Variants in GON4L observed in about 807,000 individuals in gnomAD.
GON4L encodes the protein GON-4-like protein.
Under a neutral mutation model 211.8 loss-of-function variants are expected in GON4L, and 87 were observed. That is an observed-to-expected ratio of 0.41 (90% CI 0.35 to 0.49). The LOEUF (loss-of-function observed/expected upper bound fraction) is 0.49, where lower values mean the gene tolerates loss of function less well. GON4L is among the 20% of genes least tolerant of loss of function. The pLI is 0.15. For synonymous variants in GON4L, 875 were observed against 962.6 expected, an observed-to-expected ratio of 0.91 and a Z score of 1.68; for missense variants, 2,155 against 2,659.5, an observed-to-expected ratio of 0.81 and a Z score of 4.17.
Position 155,822,330 on chromosome 1 carries a change from T to C in GON4L, c.844A>G (p.Lys282Glu), listed in dbSNP as rs1384035999. Residue 282 changes from lysine to glutamate, a missense_variant, in exon 4 of 32, where the codon AAG (lysine) becomes GAG (glutamate). Coordinates refer to ENST00000368331, the MANE Select transcript of GON4L (RefSeq NM_001282860.2). ...MLDRTLEDGA[K>E]QHNLTAVNVR... ...TTGACTGCTGTTAGATTGTGCTGCT[T>C]GGCACCATCCTCCAAGGTACGGTCA... 7 of 1,614,070 alleles carry C rather than the reference T, an allele frequency of 4.3e-6. No homozygotes were observed. The African/African-American group carries it at 6.7e-5, about 15-fold the overall frequency.
At chr1:155,824,377 T>G (rs1668988765) in intron 3 of GON4L, among the ~76,000 whole-genome samples, 2 of 132,874 alleles carry the variant, frequency 1.5e-5, no homozygotes, top group South Asian at 4.6e-4. Flanking sequence ...GCGGTTGCAG[T>G]GAGCCGAGAT....
At chr1:155,771,358 G>A (rs1663172227) in intron 18 of GON4L, 141 bp from the exon 19 acceptor site, 4 of 1,112,174 alleles carry the variant, frequency 3.6e-6, no homozygotes, top group Non-Finnish European at 3.9e-6. Flanking sequence ...CTGGAGTGCA[G>A]TGGCACCATC....
intron 27 of GON4L, among the ~76,000 whole-genome samples, chr1:155,755,600 A>G (rs2101642424): frequency 6.6e-6 from 1 of 152,290 alleles, no homozygotes; most frequent in South Asian, 2.1e-4. Context: ...TCCCTGAAAC[A>G]ATCCCTAAAT....
downstream of GON4L, chr1:155,745,816 G>A (rs1359654152): frequency 3.3e-6 from 2 of 611,954 alleles, no homozygotes; most frequent in African/African-American, 1.8e-5. Context: ...GCGGCCCCGT[G>A]GAGCAGCGCA....
chr1:155,745,757 C>A (rs573489952), downstream of GON4L: 2 of 946,970 alleles, frequency 2.1e-6, no homozygotes, highest in East Asian at 4.9e-5. Flanking sequence ...CGCCCACGCG[C>A]CTGCCAAGCC....
At chr1:155,804,209 G>C (rs1237570160) in intron 11 of GON4L, among the ~76,000 whole-genome samples, 1 of 151,722 alleles carries the variant, frequency 6.6e-6, no homozygotes, top group Non-Finnish European at 1.5e-5. Flanking sequence ...TTTCTCTACA[G>C]AAATTTTTAA....
intron 2 of GON4L, among the ~76,000 whole-genome samples, chr1:155,835,310 C>T (rs932989078): frequency 2.0e-5 from 3 of 151,972 alleles, no homozygotes; most frequent in East Asian, 1.9e-4. Context: ...TCTCAAGGAC[C>T]CAGGGACACA....
At chr1:155,770,960 A>G in intron 19 of GON4L, 107 bp downstream of exon 19, 1 of 1,495,870 alleles carries the variant, frequency 6.7e-7, no homozygotes. Context: ...AGTGGGAGAA[A>G]TTAGCTTTAG....
intron 2 of GON4L, among the ~76,000 whole-genome samples, chr1:155,836,028 G>A (rs1363767340): frequency 6.6e-6 from 1 of 152,148 alleles, no homozygotes; most frequent in Non-Finnish European, 1.5e-5. Flanking sequence ...TGGATTGCCT[G>A]AGCTCAGGAG....
Position 155,762,370 on chromosome 1 carries a change from C to G in GON4L, c.4731G>C (p.Glu1577Asp). ...GGCCTTTTCCAGCAGCTTTGATGCT[C>G]TCTCCTTGTAGCACACATGAAAAGG... ...EVETSRTPPG[E>D]SIKAAGKGRN... Residue 1577 changes from glutamate to aspartate, a missense_variant, in exon 23 of 32, where the codon GAG (glutamate) becomes GAC (aspartate). Around this residue, in one of 6 missense-constraint regions of GON4L, gnomAD observed 455 missense variants for 504.6 expected, o/e 0.90. Coordinates refer to ENST00000368331, the MANE Select transcript of GON4L (RefSeq NM_001282860.2). The G allele has an allele frequency of 1.2e-6, 2 of 1,608,944 alleles. No individual in the cohort carries two copies. The highest frequency in any genetic ancestry group is 1.1e-5 in the South Asian group (1 of 90,528).
chr1:155,807,607 G>A (rs1667257366), intron 10 of GON4L, among the ~76,000 whole-genome samples: 1 of 140,650 alleles, frequency 7.1e-6, no homozygotes, highest in African/African-American at 2.6e-5. Flanking sequence ...AGGAGGCTGA[G>A]GCAGGACAAT....
intron 29 of GON4L, 50 bp from the exon 30 acceptor site, chr1:155,752,640 C>T (rs1557818752): frequency 2.6e-6 from 4 of 1,553,198 alleles, no homozygotes; most frequent in Non-Finnish European, 3.5e-6. Flanking sequence ...CAAGATGCAC[C>T]TAAGCACGAG....
chr1:155,828,883 A>C (rs2102318757), intron 2 of GON4L, among the ~76,000 whole-genome samples: 1 of 152,088 alleles, frequency 6.6e-6, no homozygotes, highest in East Asian at 1.9e-4. Flanking sequence ...TATACAGAAA[A>C]TCCCTGGACT....
chr1:155,762,182 T>C lies in GON4L; in HGVS notation c.4911+8A>G, dbSNP rs1661881265. Reference sequence around the variant, plus strand: ...GACTGGCAATAACAGGAAGCAGCATTTGCCTACCCTGGTCAGATAAGCTTG... The same window carrying C: ...GACTGGCAATAACAGGAAGCAGCATCTGCCTACCCTGGTCAGATAAGCTTG... On this transcript the variant is annotated splice_region_variant and intron_variant, in intron 23 of 31. Coordinates refer to ENST00000368331, the MANE Select transcript of GON4L (RefSeq NM_001282860.2). 6.3e-7 allele frequency: 1 copy of C among 1,599,180 alleles called. No individual in the cohort carries two copies.
chr1:155,857,023 T>G (rs1672352565), intron 1 of GON4L, 124 bp downstream of exon 1: 1 of 152,474 alleles, frequency 6.6e-6, no homozygotes, highest in African/African-American at 2.4e-5. Context: ...ACACTGGACT[T>G]CACGCCCTTA....
chr1:155,761,127 GGACACAGTTCT>G (rs1661745038), intron 23 of GON4L, among the ~76,000 whole-genome samples: 1 of 151,520 alleles, frequency 6.6e-6, no homozygotes, highest in Non-Finnish European at 1.5e-5. Flanking sequence ...ACCAAGAGAA[GGACACAGTTCT>G]CCAGGACACT....
At chr1:155,808,044 T>A (rs1557883362) in intron 10 of GON4L, among the ~76,000 whole-genome samples, 2 of 150,716 alleles carry the variant, frequency 1.3e-5, no homozygotes, top group African/African-American at 4.9e-5. Flanking sequence ...TTTATTTATT[T>A]TTTTTTTTTT....
chr1:155,834,837 CA>C, intron 2 of GON4L, among the ~76,000 whole-genome samples: 1 of 151,800 alleles, frequency 6.6e-6, no homozygotes, highest in African/African-American at 2.4e-5. Flanking sequence ...CGCCTCTGCC[CA>C]GCTGCCCCTA....
chr1:155,815,977 G>A, intron 7 of GON4L, 77 bp from the exon 8 acceptor site: 2 of 926,578 alleles, frequency 2.2e-6, no homozygotes, highest in South Asian at 2.7e-5. Context: ...AGGGGAAGAA[G>A]CAGGGCAGAA....
Sources: gnomAD v4.1 joint callset for allele counts (sites outside exome capture counted in the v4.1 genomes callset) on GRCh38, gnomAD v4.1.1 for gene constraint, gnomAD v4.1.1 regional missense constraint, MANE v1.5 for transcripts, NCBI Gene and HGNC (gene_info 2026-07-23, HGNC 2026-07-21) for gene names.